The following RPS8 variants were observed in gnomAD, a reference collection of about 807,000 sequenced individuals.
RPS8 encodes the protein small ribosomal subunit protein eS8.
For missense variants in RPS8, 141 were observed against 269.7 expected (o/e 0.52, Z 3.34); for synonymous variants, 100 against 100.7 (o/e 0.99, Z 0.04).
chr1:44,778,170 T>C (rs1261877219), intron 5 of RPS8, 41 bp downstream of exon 5: 5 of 1,588,824 alleles, frequency 3.1e-6, no homozygotes, highest in Admixed American at 3.7e-5. Context: ...GTCGCAGAGA[T>C]TGAGTGTGCC....
At position 44,776,024 on chromosome 1, in the gene RPS8, C is replaced by A; in HGVS notation, c.5-10C>A. 1.2e-6 allele frequency: 2 copies of A among 1,612,896 alleles called. No individual in the cohort carries two copies. Among genetic ancestry groups the A allele is most frequent in the Non-Finnish European group, 1.7e-6 (2 of 1,179,214 alleles). On this transcript the variant is annotated splice_polypyrimidine_tract_variant and intron_variant, in intron 1 of 5. Transcript: ENST00000396651. ...GTGGCTCAAGCTTCCTTCCCCGCTT[C>A]CACATGCAGGCATCTCTCGGGACAA...
At chr1:44,775,697 C>G in intron 1 of RPS8, 97 bp downstream of exon 1, 1 of 1,512,040 alleles carries the variant, frequency 6.6e-7, no homozygotes, top group East Asian at 2.3e-5. Context: ...GACGCCCCGA[C>G]CCCCGGCCAG....
Position 44,777,981 on chromosome 1 carries a change from A to G in RPS8, c.388-19A>G. ...CTGCCTTCCTTCCCTGAGCTCATAT[A>G]TTTGTATCCCCTTTTCAGACTCCTG... On this transcript the variant is annotated intron_variant, in intron 4 of 5. Transcript: ENST00000396651. 9.9e-6 allele frequency: 16 copies of G among 1,613,426 alleles called. No individual in the cohort carries two copies. Among genetic ancestry groups the G allele is most frequent in the Non-Finnish European group, 1.4e-5 (16 of 1,179,864 alleles).
At chr1:44,778,338 G>A (rs557343915) in intron 5 of RPS8, 67 of 821,352 alleles carry the variant, frequency 8.2e-5, no homozygotes, top group African/African-American at 1.3e-4. Context: ...GCATAGGCCC[G>A]TGCTTGGAGT....
intron 5 of RPS8, 139 bp downstream of exon 5, chr1:44,778,268 G>A (rs1650930559): frequency 9.1e-7 from 1 of 1,100,108 alleles, no homozygotes; most frequent in African/African-American, 1.5e-5. Flanking sequence ...GCACAAAGGG[G>A]AACGTTTGGT....
chr1:44,776,635 C>G (rs1429179760), intron 2 of RPS8, 40 bp from the exon 3 acceptor site: 1 of 1,576,122 alleles, frequency 6.3e-7, no homozygotes. Flanking sequence ...TTGCCTTGCT[C>G]TCCTTGGTAA....
chr1:44,777,377 G>A, intron 3 of RPS8: 1 of 522,638 alleles, frequency 1.9e-6, no homozygotes, highest in Non-Finnish European at 3.5e-6. Flanking sequence ...GACCTGCTCT[G>A]ATCTTTCTGA....
intron 1 of RPS8, 31 bp from the exon 2 acceptor site, chr1:44,776,003 C>T: frequency 1.2e-6 from 2 of 1,604,448 alleles, no homozygotes; most frequent in Non-Finnish European, 8.5e-7. Flanking sequence ...GTCACAGTGG[C>T]TCAAGCTTCC....
At chr1:44,776,574 C>A (rs747524833) in intron 2 of RPS8, 101 bp from the exon 3 acceptor site, 3 of 972,766 alleles carry the variant, frequency 3.1e-6, no homozygotes, top group Admixed American at 1.7e-5. Flanking sequence ...AAGGACTTGT[C>A]ATAGTTACAC....
intron 1 of RPS8, 57 bp downstream of exon 1, chr1:44,775,657 A>G (rs527860476): frequency 6.2e-7 from 1 of 1,609,496 alleles, no homozygotes; most frequent in South Asian, 1.1e-5. Flanking sequence ...ATCAGGCCCC[A>G]TCCTGCTTCA....
chr1:44,777,752 A>G lies in RPS8; in HGVS notation c.350A>G (p.Tyr117Cys), dbSNP rs757691384. The change falls in exon 4 of 6, where the codon TAT (tyrosine) becomes TGT (cysteine). Residue 117 changes from tyrosine (Y) to cysteine (C), a missense_variant. Tyr to Cys is a radical substitution (Grantham distance 194). Coordinates refer to ENST00000396651, the MANE Select transcript of RPS8 (RefSeq NM_001012.2). ...TPYRQWYESH[Y>C]ALPLGRKKGA... ...TACCGACAGTGGTACGAGTCCCACT[A>G]TGCGCTGCCCCTGGGCCGCAAGAAG... 16 of 1,614,062 alleles carry G rather than the reference A, an allele frequency of 9.9e-6. No homozygotes were observed. The highest frequency in any genetic ancestry group is 3.3e-4 in the Middle Eastern group (2 of 6,080).
At chr1:44,776,254 G>T in intron 2 of RPS8, 114 bp downstream of exon 2, 1 of 748,358 alleles carries the variant, frequency 1.3e-6, no homozygotes, top group Non-Finnish European at 2.2e-6. Context: ...TGATTTCTCT[G>T]TAGTAGGGCC....
In RPS8 at chr1:44,776,708, C is replaced by T. The variant is rs147164346; in HGVS notation, c.145C>T (p.Arg49Trp). ...CCGCCGCATCCACACAGTCCGTGTG[C>T]GGGGAGGTAACAAGAAATACCGTGC... is the stretch of plus-strand genomic sequence containing the variant. ...GPRRIHTVRV[R>W]GGNKKYRALR... is the part of the protein sequence containing the mutation. The change falls in exon 3 of 6, where the codon CGG (arginine) becomes TGG (tryptophan). Residue 49 changes from arginine (R) to tryptophan (W), a missense_variant. Transcript: ENST00000396651. 1.7e-5 allele frequency: 27 copies of T among 1,613,608 alleles called. 1 individual carries two copies. Among genetic ancestry groups the T allele is most frequent in the Non-Finnish European group, 2.2e-5 (26 of 1,179,878 alleles).
At chr1:44,778,555 G>C (rs1382442265) in intron 5 of RPS8, 21 bp from the exon 6 acceptor site, 2 of 1,598,904 alleles carry the variant, frequency 1.3e-6, no homozygotes, top group African/African-American at 2.7e-5. Flanking sequence ...GTTGTGCTAA[G>C]GATCACCTAC....
At position 44,776,783 on chromosome 1, in the gene RPS8, G is replaced by A; in HGVS notation, c.211+9G>A. The A allele has an allele frequency of 1.3e-6, 2 of 1,585,614 alleles. No homozygotes were observed. The highest frequency in any genetic ancestry group is 1.7e-6 in the Non-Finnish European group (2 of 1,165,444). On this transcript the variant is annotated intron_variant, in intron 3 of 5. Transcript: ENST00000396651. ...CTCCTGGGGCTCAGAGTGTGAGTGA[G>A]GCCCTTTGGGAGTGGGTGGGAAAAC...
At chr1:44,777,149 G>A (rs889556969) in intron 3 of RPS8, 1 of 214,400 alleles carries the variant, frequency 4.7e-6, no homozygotes, top group South Asian at 7.2e-5. Flanking sequence ...TTGGTTCACT[G>A]CAGCCTCCGC....
Position 44,778,145 on chromosome 1 carries a change from T to C in RPS8, c.517+16T>C. 1 of 1,589,198 alleles carries C rather than the reference T, an allele frequency of 6.3e-7. No individual in the cohort carries two copies. The highest frequency in any genetic ancestry group is 8.6e-7 in the Non-Finnish European group (1 of 1,167,852). On this transcript the variant is annotated intron_variant, in intron 5 of 5. Coordinates refer to ENST00000396651, the MANE Select transcript of RPS8 (RefSeq NM_001012.2). Reference sequence around the variant, plus strand: ...AAGCTTCTTGGTGAGAAGGCTGTTGTGTTGGAGGTGGGGAGTCGCAGAGAT... The same window carrying C: ...AAGCTTCTTGGTGAGAAGGCTGTTGCGTTGGAGGTGGGGAGTCGCAGAGAT...
chr1:44,775,659 C>G (rs1650818750), intron 1 of RPS8, 59 bp downstream of exon 1: 1 of 1,607,328 alleles, frequency 6.2e-7, no homozygotes, highest in Non-Finnish European at 8.5e-7. Flanking sequence ...CAGGCCCCAT[C>G]CTGCTTCACA....
chr1:44,777,502 TGA>T (rs1487377688), intron 3 of RPS8, 110 bp from the exon 4 acceptor site: 7 of 847,230 alleles, frequency 8.3e-6, no homozygotes, highest in African/African-American at 5.1e-5. Context: ...TTGTAAAGGC[TGA>T]GAGTTCCCTT....
Sources: allele counts gnomAD v4.1 joint callset, GRCh38; gene constraint gnomAD v4.1.1; transcripts MANE v1.5; gene names NCBI Gene and HGNC (gene_info 2026-07-23, HGNC 2026-07-21).